The following CLASP1 variants were observed in gnomAD, a reference collection of about 807,000 sequenced individuals.
CLASP1 encodes CLIP-associating protein 1.
CLASP1 carries 38 observed loss-of-function variants against 192.3 expected under a neutral mutation model. The observed-to-expected ratio is 0.20, with a 90% CI of 0.15 to 0.26. CLASP1 has a LOEUF of 0.26. CLASP1 is among the 10% of genes least tolerant of loss of function. The pLI, the probability that CLASP1 is intolerant of heterozygous loss-of-function variation, is 1.00. For synonymous variants in CLASP1, 691 were observed against 712.8 expected (o/e 0.97, Z 0.49); for missense variants, 1,433 against 1,932.5 (o/e 0.74, Z 4.85).
At chr2:121,386,190 T>C (rs1221312131) in intron 32 of CLASP1, among the ~76,000 whole-genome samples, 1 of 152,218 alleles carries the variant, frequency 6.6e-6, no homozygotes, top group African/African-American at 2.4e-5. Flanking sequence ...AGCAATTATG[T>C]TTTGATATCT....
At chr2:121,464,153 T>C (rs1002035901) in intron 9 of CLASP1, among the ~76,000 whole-genome samples, 8 of 152,108 alleles carry the variant, frequency 5.3e-5, no homozygotes, top group African/African-American at 1.4e-4. Flanking sequence ...ATTTCATCCA[T>C]GTCCCTACAA....
intron 19 of CLASP1, among the ~76,000 whole-genome samples, chr2:121,447,045 C>T (rs957009052): frequency 3.9e-4 from 60 of 152,224 alleles, no homozygotes; most frequent in African/African-American, 1.4e-3. Context: ...CTGGGCTTGC[C>T]ATGGAGGAAG....
At chr2:121,531,595 A>AAG (rs1206700936) in intron 2 of CLASP1, among the ~76,000 whole-genome samples, 1 of 131,796 alleles carries the variant, frequency 7.6e-6, no homozygotes, top group African/African-American at 2.6e-5. Context: ...CTCCATCTCA[A>AAG]AAAAAAAAAA....
chr2:121,483,434 AAG>A (rs1164443795), intron 8 of CLASP1, among the ~76,000 whole-genome samples: 4 of 151,936 alleles, frequency 2.6e-5, no homozygotes, highest in Non-Finnish European at 5.9e-5. Flanking sequence ...GAGAGAGAGA[AAG>A]AGGGAGAATA....
At chr2:121,457,012 CTT>C (rs2086806124) in intron 14 of CLASP1, among the ~76,000 whole-genome samples, 1 of 152,210 alleles carries the variant, frequency 6.6e-6, no homozygotes, top group African/African-American at 2.4e-5. Context: ...TTAAAAGACT[CTT>C]AAAACACTCA....
rs192584737 is a variant in CLASP1, at chr2:121,626,284, A to C, written c.-285-20104T>G. Among the ~76,000 whole-genome samples, 385 of 152,306 alleles carry C rather than the reference A, an allele frequency of 2.5e-3. 5 individuals are homozygous for C. The highest frequency in any genetic ancestry group is 2.0e-3 in the Non-Finnish European group (139 of 68,024). ...TGTAAGAAGGATGAGGATTTAAAAA[A>C]ACAAGAGAAGTCTTTCTGTGTTACT... On this transcript the variant is annotated intron_variant, in intron 1 of 39. Transcript: ENST00000263710.
At chr2:121,618,663 G>C (rs2066845469) in intron 1 of CLASP1, among the ~76,000 whole-genome samples, 1 of 144,758 alleles carries the variant, frequency 6.9e-6, no homozygotes, top group Non-Finnish European at 1.5e-5. Flanking sequence ...AATGTATTAT[G>C]AATTTTTTAA....
chr2:121,343,581 T>C lies in CLASP1; in HGVS notation c.4531-2634A>G, dbSNP rs557205929. Among the ~76,000 whole-genome samples the C allele has an allele frequency of 3.9e-5, 6 of 152,282 alleles. No individual in the cohort carries two copies. In the South Asian group the frequency reaches 1.2e-3, roughly 32 times the overall value. ...AGCCAGCCACAAAGGACACATACGATGTAATTCCACTTATATGAGACACCT... is the reference window on the plus strand; with the variant it reads ...AGCCAGCCACAAAGGACACATACGACGTAATTCCACTTATATGAGACACCT... On this transcript the variant is annotated intron_variant, in intron 39 of 39. Coordinates refer to ENST00000263710, the Ensembl canonical transcript of CLASP1.
intron 2 of CLASP1, among the ~76,000 whole-genome samples, chr2:121,534,448 A>G (rs1234194978): frequency 2.0e-5 from 3 of 152,382 alleles, no homozygotes; most frequent in Admixed American, 6.5e-5. Flanking sequence ...CCCTGAGCAG[A>G]TAAAAACACA....
chr2:121,483,540 GTA>G (rs1231639715), intron 8 of CLASP1, among the ~76,000 whole-genome samples: 4 of 150,834 alleles, frequency 2.7e-5, no homozygotes, highest in South Asian at 2.1e-4. Context: ...ATATATGTAT[GTA>G]TATATGTGTG....
At chr2:121,527,743 T>C in intron 5 of CLASP1, 56 bp downstream of exon 5, 1 of 1,307,708 alleles carries the variant, frequency 7.6e-7, no homozygotes, top group Non-Finnish European at 1.1e-6. Context: ...TATTTCAAAA[T>C]AAAAAGTTTT....
intron 1 of CLASP1, among the ~76,000 whole-genome samples, chr2:121,631,567 T>C (rs2069662733): frequency 6.7e-6 from 1 of 150,238 alleles, no homozygotes. Context: ...ATTACAGGCG[T>C]AAGCCACCAA....
At chr2:121,439,636 TGA>T (rs1382874637) in intron 19 of CLASP1, among the ~76,000 whole-genome samples, 1 of 152,130 alleles carries the variant, frequency 6.6e-6, no homozygotes, top group Non-Finnish European at 1.5e-5. Context: ...TGAGCGGTTT[TGA>T]GTTTATTGCG....
At chr2:121,454,456 G>T (rs1000895281) in intron 14 of CLASP1, among the ~76,000 whole-genome samples, 4 of 152,116 alleles carry the variant, frequency 2.6e-5, no homozygotes, top group East Asian at 3.8e-4. Flanking sequence ...TAGGCCAGGG[G>T]TATCCAATCT....
intron 9 of CLASP1, among the ~76,000 whole-genome samples, chr2:121,466,293 G>C (rs1386581732): frequency 6.6e-6 from 1 of 152,082 alleles, no homozygotes; most frequent in Non-Finnish European, 1.5e-5. Context: ...TAATCAGAAA[G>C]AACTAGAAAT....
At chr2:121,452,714 C>T (rs1365625930) in intron 14 of CLASP1, among the ~76,000 whole-genome samples, 2 of 152,130 alleles carry the variant, frequency 1.3e-5, no homozygotes, top group Non-Finnish European at 1.5e-5. Context: ...TCACTTGAAC[C>T]CGGGAGGCAG....
chr2:121,407,087 AC>A (rs1202062418), intron 25 of CLASP1, among the ~76,000 whole-genome samples: 1 of 151,580 alleles, frequency 6.6e-6, no homozygotes, highest in East Asian at 1.9e-4. Flanking sequence ...GTGGTGGTGT[AC>A]CCCCGTAGTC....
chr2:121,640,837 T>C (rs1242989221), intron 1 of CLASP1, among the ~76,000 whole-genome samples: 1 of 152,224 alleles, frequency 6.6e-6, no homozygotes. Context: ...TGCCTTTAAA[T>C]GTTACTGTAA....
At chr2:121,550,761 C>A (rs2057963520) in intron 2 of CLASP1, among the ~76,000 whole-genome samples, 1 of 151,464 alleles carries the variant, frequency 6.6e-6, no homozygotes, top group Non-Finnish European at 1.5e-5. Context: ...AGCCTACCAA[C>A]CAAATTCACA....
Sources: allele counts gnomAD v4.1 joint callset (sites outside exome capture counted in the v4.1 genomes callset), GRCh38; gene constraint gnomAD v4.1.1; transcripts MANE v1.5; gene names NCBI Gene and HGNC (gene_info 2026-07-23, HGNC 2026-07-21).